CCM2: variants seen among roughly 807,000 people sequenced by gnomAD.
CCM2 encodes CCM2 scaffold protein, also known as cerebral cavernous malformations 2 protein.
CCM2 carries 25 observed loss-of-function variants against 44.9 expected under a neutral mutation model. The ratio of observed to expected loss-of-function variants is 0.56; its 90% CI spans 0.41 to 0.78. The LOEUF (loss-of-function observed/expected upper bound fraction) is 0.78, where lower values mean the gene tolerates loss of function less well. Among genes scored for constraint, CCM2 ranks in the 30% least tolerant of loss-of-function variants. The probability of loss-of-function intolerance (pLI) is 0.00; values close to 1 mark genes in which losing one functional copy is unlikely to be tolerated. For missense variants in CCM2, 481 were observed against 580.6 expected (o/e 0.83, Z 1.76); for synonymous variants, 219 against 241.1 (o/e 0.91, Z 0.85).
At position 45,069,979 on chromosome 7, in the gene CCM2, G is replaced by C; in HGVS notation, c.745+18G>C. The C allele has an allele frequency of 6.2e-7, 1 of 1,613,064 alleles. No homozygotes were observed. The highest frequency in any genetic ancestry group is 1.7e-5 in the Admixed American group (1 of 60,030). The stretch of plus-strand genomic sequence containing the variant: ...GCACAGCGGTATGTTGAGTGAGAGT[G>C]GGCAGCGGGTGGGAGCAGGGACAGG... On this transcript the variant is annotated intron_variant, in intron 6 of 9. Transcript: ENST00000258781.
chr7:45,073,638 A>C (rs1441377933), intron 8 of CCM2, 67 bp downstream of exon 8: 16 of 1,054,464 alleles, frequency 1.5e-5, no homozygotes, highest in African/African-American at 7.8e-5. Context: ...GATGGGGGGA[A>C]GGGGAGGAGG....
At chr7:45,014,338 A>G (rs1042278786) in intron 1 of CCM2, among the ~76,000 whole-genome samples, 2 of 152,092 alleles carry the variant, frequency 1.3e-5, no homozygotes, top group Non-Finnish European at 1.5e-5. Context: ...ACAGGGTTTC[A>G]CCATTTTGGC....
At chr7:45,067,713 C>T (rs1386321961) in intron 4 of CCM2, 1 of 153,170 alleles carries the variant, frequency 6.5e-6, no homozygotes, top group Non-Finnish European at 1.5e-5. Context: ...GTTTGAGGTA[C>T]AGTTTCTTAT....
chr7:45,007,112 A>G (rs1039756445), intron 1 of CCM2, among the ~76,000 whole-genome samples: 43 of 152,252 alleles, frequency 2.8e-4, no homozygotes, highest in Admixed American at 2.5e-3. Flanking sequence ...TACACTGTCA[A>G]CATGGCCACG....
At chr7:45,000,453 C>CGG (rs1795549600) in intron 1 of CCM2, 90 bp downstream of exon 1, 1 of 48,714 alleles carries the variant, frequency 2.1e-5, no homozygotes, top group Non-Finnish European at 3.2e-5. Flanking sequence ...TCCTTGGGGC[C>CGG]CGGGGGGGGG....
At chr7:45,039,430 C>G (rs1052352654) in intron 2 of CCM2, among the ~76,000 whole-genome samples, 6 of 152,176 alleles carry the variant, frequency 3.9e-5, no homozygotes, top group Non-Finnish European at 7.4e-5. Flanking sequence ...ACCCAACCAA[C>G]CAGCCTGAAT....
intron 2 of CCM2, among the ~76,000 whole-genome samples, chr7:45,051,498 T>C (rs1798005476): frequency 6.6e-6 from 1 of 152,116 alleles, no homozygotes; most frequent in Non-Finnish European, 1.5e-5. Flanking sequence ...CCCGGGTTCA[T>C]GCCATTCTCC....
intron 1 of CCM2, among the ~76,000 whole-genome samples, chr7:45,005,662 G>A (rs968873613): frequency 1.3e-5 from 2 of 152,248 alleles, no homozygotes; most frequent in Non-Finnish European, 2.9e-5. Flanking sequence ...TTTTTAGTGA[G>A]ATAACTTGGT....
chr7:45,023,030 C>T (rs1380139551), intron 1 of CCM2, among the ~76,000 whole-genome samples: 4 of 152,060 alleles, frequency 2.6e-5, no homozygotes, highest in Non-Finnish European at 4.4e-5. Flanking sequence ...CATGAGCCAC[C>T]TCACCCTGCA....
chr7:45,074,318 C>G lies in CCM2; in HGVS notation c.964C>G (p.Leu322Val). The G allele has an allele frequency of 6.2e-7, 1 of 1,613,780 alleles. No individual in the cohort carries two copies. Among genetic ancestry groups the G allele is most frequent in the Non-Finnish European group, 8.5e-7 (1 of 1,180,032 alleles). The change falls in exon 9 of 10, where the codon CTG becomes GTG. Residue 322 changes from leucine (L) to valine (V), a missense_variant. Coordinates refer to ENST00000258781, the MANE Select transcript of CCM2 (RefSeq NM_031443.4). ...SQEIQQFAAL[L>V]HEYRNGASIH... is the part of the protein sequence containing the mutation. ...GGAGATCCAGCAGTTTGCAGCACTGCTGCACGAGTACCGCAATGGGGCCTC... is the reference window on the plus strand; with the variant it reads ...GGAGATCCAGCAGTTTGCAGCACTGGTGCACGAGTACCGCAATGGGGCCTC...
intron 2 of CCM2, among the ~76,000 whole-genome samples, chr7:45,056,652 C>T (rs1798277752): frequency 6.6e-6 from 1 of 152,140 alleles, no homozygotes; most frequent in South Asian, 2.1e-4. Flanking sequence ...AAGTCATTTG[C>T]CCAGTTTTTA....
At chr7:45,044,997 T>C (rs1217639330) in intron 2 of CCM2, among the ~76,000 whole-genome samples, 1 of 152,264 alleles carries the variant, frequency 6.6e-6, no homozygotes, top group Non-Finnish European at 1.5e-5. Context: ...TCTGAAGGTA[T>C]AATAGAAATT....
At chr7:45,033,314 C>T (rs1797056723) in intron 1 of CCM2, among the ~76,000 whole-genome samples, 2 of 152,116 alleles carry the variant, frequency 1.3e-5, no homozygotes. Context: ...ATTTTATGAC[C>T]TGTACATCAA....
At chr7:45,016,411 C>T (rs964610405) in intron 1 of CCM2, among the ~76,000 whole-genome samples, 2 of 151,916 alleles carry the variant, frequency 1.3e-5, no homozygotes, top group Non-Finnish European at 2.9e-5. Context: ...CTCACTGCAA[C>T]CTCTGCCTCC....
At chr7:45,032,522 G>A (rs986538913) in intron 1 of CCM2, among the ~76,000 whole-genome samples, 3 of 152,198 alleles carry the variant, frequency 2.0e-5, no homozygotes, top group African/African-American at 7.2e-5. Flanking sequence ...CATCCTGTGT[G>A]TCTTCAGCAT....
intron 9 of CCM2, among the ~76,000 whole-genome samples, chr7:45,074,855 C>T (rs994891755): frequency 2.0e-5 from 3 of 152,180 alleles, no homozygotes; most frequent in East Asian, 1.9e-4. Flanking sequence ...TAGGTCAGTG[C>T]GGCTAGAGGG....
At chr7:45,064,227 T>C (rs1798657657) in intron 3 of CCM2, among the ~76,000 whole-genome samples, 1 of 152,198 alleles carries the variant, frequency 6.6e-6, no homozygotes. Context: ...TTTCAAGATA[T>C]TTCAAACCAT....
At chr7:45,022,866 G>A (rs947305399) in intron 1 of CCM2, among the ~76,000 whole-genome samples, 2 of 151,668 alleles carry the variant, frequency 1.3e-5, no homozygotes, top group African/African-American at 2.4e-5. Flanking sequence ...TCAGCCTCTC[G>A]AGTAGCTGGG....
intron 7 of CCM2, 80 bp from the exon 8 acceptor site, chr7:45,073,380 G>A: frequency 1.1e-6 from 1 of 879,106 alleles, no homozygotes; most frequent in Non-Finnish European, 1.9e-6. Context: ...CACACACACG[G>A]CATGGACTAG....
Sources: gnomAD v4.1 joint callset for allele counts (sites outside exome capture counted in the v4.1 genomes callset) on GRCh38, gnomAD v4.1.1 for gene constraint, MANE v1.5 for transcripts, NCBI Gene and HGNC (gene_info 2026-07-23, HGNC 2026-07-21) for gene names.